The following TUBD1 variants were observed in gnomAD, a reference collection of about 807,000 sequenced individuals.
The protein encoded by TUBD1 is tubulin delta 1, also known as tubulin delta chain.
Under a neutral mutation model 51.2 loss-of-function variants are expected in TUBD1, and 38 were observed. The observed-to-expected ratio is 0.74, with a 90% CI of 0.57 to 0.97. The LOEUF (loss-of-function observed/expected upper bound fraction) is 0.97. Among genes scored for constraint, TUBD1 ranks in the 50% least tolerant of loss-of-function variants. The pLI is 0.00. For missense variants in TUBD1, 489 were observed against 538.4 expected, an observed-to-expected ratio of 0.91 and a Z score of 0.91; for synonymous variants, 169 against 178.2, an observed-to-expected ratio of 0.95 and a Z score of 0.41.
intron 5 of TUBD1, among the ~76,000 whole-genome samples, chr17:59,876,065 G>A (rs994521648): frequency 1.3e-5 from 2 of 152,152 alleles, no homozygotes; most frequent in Non-Finnish European, 2.9e-5. Flanking sequence ...TGTGCTAATG[G>A]AGTGTCCTCT....
At chr17:59,885,088 G>C (rs1169782076) in intron 3 of TUBD1, 1 of 356,824 alleles carries the variant, frequency 2.8e-6, no homozygotes, top group Non-Finnish European at 5.4e-6. Context: ...GTGCCGCTGG[G>C]CGCAAGGACA....
chr17:59,885,666 A>G (rs979610038), intron 3 of TUBD1: 5 of 630,904 alleles, frequency 7.9e-6, no homozygotes, highest in African/African-American at 7.4e-5. Flanking sequence ...AAAACAAAAC[A>G]AAACAAAACA....
Position 59,860,416 on chromosome 17 carries a change from A to C in TUBD1, c.1268T>G (p.Ile423Ser). ...GATTCCAAATTTTGTGTACTGATGA[A>C]TGTAGGCTCTGGTAGAAAAAAAAAA... ...AWNMFASKAY[I>S]HQYTKFGIEE... The change falls in exon 9 of 9, where the codon ATT becomes AGT. Residue 423 changes from isoleucine (I) to serine (S), a missense_variant. Ile to Ser is a moderately radical substitution (Grantham distance 142). Coordinates refer to ENST00000325752, the MANE Select transcript of TUBD1 (RefSeq NM_016261.4). The C allele has an allele frequency of 6.5e-7, 1 of 1,535,918 alleles. No homozygotes were observed. Among genetic ancestry groups the C allele is most frequent in the Non-Finnish European group, 8.9e-7 (1 of 1,120,374 alleles).
chr17:59,879,352 C>A (rs2040378101), intron 4 of TUBD1, among the ~76,000 whole-genome samples: 1 of 151,940 alleles, frequency 6.6e-6, no homozygotes, highest in Non-Finnish European at 1.5e-5. Context: ...CACCATGAAT[C>A]CCAACATGAG....
In TUBD1 at chr17:59,863,710, G is replaced by GT. The variant is rs749833660; in HGVS notation, c.1212dup (p.Pro405ThrfsTer3). 9 of 1,602,844 alleles carry GT rather than the reference G, an allele frequency of 5.6e-6. No homozygotes were observed. The East Asian group carries it at 1.1e-4, about 20-fold the overall frequency. ...GCCTTCCCAACAATCATATCAAGTGGTTTTACTAAGAACTGGCTGTTGCTG... is the reference window on the plus strand; with the variant it reads ...GCCTTCCCAACAATCATATCAAGTGGTTTTTACTAAGAACTGGCTGTTGCTG... On this transcript the variant is annotated frameshift_variant, in exon 8 of 9. Coordinates refer to ENST00000325752, the MANE Select transcript of TUBD1 (RefSeq NM_016261.4). LOFTEE classifies it high-confidence loss of function.
intron 5 of TUBD1, among the ~76,000 whole-genome samples, chr17:59,875,618 G>A (rs575721021): frequency 6.6e-6 from 1 of 151,836 alleles, no homozygotes; most frequent in South Asian, 2.1e-4. Flanking sequence ...AAATTAGCCA[G>A]GCGTTGTGGC....
chr17:59,873,937 C>T (rs2144498579), intron 6 of TUBD1, among the ~76,000 whole-genome samples: 1 of 151,946 alleles, frequency 6.6e-6, no homozygotes, highest in Non-Finnish European at 1.5e-5. Flanking sequence ...CTCTTGTAAT[C>T]CCAGCACTTT....
chr17:59,867,362 C>T (rs780236504), intron 6 of TUBD1, among the ~76,000 whole-genome samples: 2 of 152,060 alleles, frequency 1.3e-5, no homozygotes, highest in African/African-American at 2.4e-5. Flanking sequence ...TCTCCTATGC[C>T]TACTCCACTA....
chr17:59,887,416 A>G (rs1373840972), intron 2 of TUBD1, among the ~76,000 whole-genome samples: 3 of 152,068 alleles, frequency 2.0e-5, no homozygotes, highest in African/African-American at 7.2e-5. Context: ...TCAATACTTA[A>G]TCACACTGCA....
intron 6 of TUBD1, among the ~76,000 whole-genome samples, chr17:59,869,895 C>A (rs1206903249): frequency 2.0e-5 from 3 of 152,100 alleles, no homozygotes; most frequent in Non-Finnish European, 4.4e-5. Context: ...CTCTCCAGAT[C>A]CTGCTTAATC....
At position 59,878,269 on chromosome 17, in the gene TUBD1, G is replaced by A. The variant is rs200063088; in HGVS notation, c.603C>T (p.Leu201=). The change falls in exon 5 of 9, where the codon CTC becomes CTT. Residue 201 remains leucine (L), a synonymous_variant. Transcript: ENST00000325752. ...GGATGGCATCATTCTCATGAAGAAG[G>A]AGGGCGTCTGAAGATCGGTACAAGT... ...LSHLYRSSDA[L]LLHENDAIHK... is the part of the protein sequence containing the mutation. 1.2e-5 allele frequency: 19 copies of A among 1,613,958 alleles called. No homozygotes were observed. Among genetic ancestry groups the A allele is most frequent in the Non-Finnish European group, 1.3e-5 (15 of 1,180,034 alleles).
chr17:59,892,489 A>G (rs2041155397), intron 1 of TUBD1, among the ~76,000 whole-genome samples: 1 of 152,240 alleles, frequency 6.6e-6, no homozygotes, highest in Non-Finnish European at 1.5e-5. Flanking sequence ...AGCACTGGAA[A>G]TGAGCCGTGG....
chr17:59,860,295 A>C lies in TUBD1; in HGVS notation c.*27T>G. 6.8e-7 allele frequency: 1 copy of C among 1,465,086 alleles called. No individual in the cohort carries two copies. Among genetic ancestry groups the C allele is most frequent in the Non-Finnish European group, 9.5e-7 (1 of 1,054,124 alleles). 90.8% of individuals were successfully genotyped at this position (1,465,086 alleles called of 1,614,324 possible). ...AAATATTTTAGTCCAGAAATGCCTT[A>C]AGGTATACTTTTCCCATTGTTCAAG... On this transcript the variant is annotated 3_prime_UTR_variant, in exon 9 of 9. Transcript: ENST00000325752.
At chr17:59,890,049 G>GGAGGCT (rs71370140) in intron 2 of TUBD1, among the ~76,000 whole-genome samples, 77,225 of 150,624 alleles carry the variant, frequency 0.51, 20,531 homozygotes, top group African/African-American at 0.66. Flanking sequence ...CAGCTACTCA[G>GGAGGCT]GAGACCTGTG....
chr17:59,885,219 G>T, intron 3 of TUBD1: 1 of 473,748 alleles, frequency 2.1e-6, no homozygotes, highest in South Asian at 1.8e-5. Flanking sequence ...CCCGGATGAT[G>T]ACATGGGGTA....
At chr17:59,865,135 T>C (rs2039638933) in intron 7 of TUBD1, among the ~76,000 whole-genome samples, 1 of 152,146 alleles carries the variant, frequency 6.6e-6, no homozygotes, top group African/African-American at 2.4e-5. Context: ...TGGGATTACA[T>C]ATACGTGCCA....
chr17:59,884,909 C>T (rs527609201), intron 3 of TUBD1: 11 of 204,160 alleles, frequency 5.4e-5, no homozygotes, highest in Non-Finnish European at 9.0e-5. Context: ...GGTGACAGAA[C>T]GAGACTCTGT....
chr17:59,887,331 C>T (rs1851846956), intron 2 of TUBD1, among the ~76,000 whole-genome samples: 2 of 151,654 alleles, frequency 1.3e-5, no homozygotes, highest in Admixed American at 1.3e-4. Flanking sequence ...GCAATCACAC[C>T]ACTGTGCTCC....
chr17:59,868,754 T>C (rs867590908), intron 6 of TUBD1, among the ~76,000 whole-genome samples: 14 of 152,058 alleles, frequency 9.2e-5, no homozygotes, highest in Middle Eastern at 3.4e-3. Flanking sequence ...GGGGAATCGC[T>C]TGAACCCGGG....
Sources: gnomAD v4.1 joint callset for allele counts (sites outside exome capture counted in the v4.1 genomes callset) on GRCh38, gnomAD v4.1.1 for gene constraint, MANE v1.5 for transcripts, NCBI Gene and HGNC (gene_info 2026-07-23, HGNC 2026-07-21) for gene names.